The following NCKAP1L variants were observed in gnomAD, a reference collection of about 807,000 sequenced individuals.
The protein encoded by NCKAP1L is nck-associated protein 1-like.
In NCKAP1L, 53 loss-of-function variants were observed where a neutral mutation model predicts 139.2. The ratio of observed to expected loss-of-function variants is 0.38; its 90% CI spans 0.31 to 0.48. NCKAP1L has a LOEUF of 0.48. Among genes scored for constraint, NCKAP1L ranks in the 20% least tolerant of loss-of-function variants. The pLI is 0.98. For synonymous variants in NCKAP1L, 468 were observed against 499.7 expected, an observed-to-expected ratio of 0.94 and a Z score of 0.85; for missense variants, 1,151 against 1,381.9, an observed-to-expected ratio of 0.83 and a Z score of 2.65.
chr12:54,544,462 A>G lies in NCKAP1L; in HGVS notation c.*1777A>G, dbSNP rs1023655542. ...AGATACTTAATCCACCTGCACTTGT[A>G]AGAAATCATACAGAGAAATTCTATT... On this transcript the variant is annotated 3_prime_UTR_variant, in exon 31 of 31. Coordinates refer to ENST00000293373, the MANE Select transcript of NCKAP1L (RefSeq NM_005337.5). 2.0e-5 allele frequency: 3 copies of G among 152,172 alleles called. No homozygotes were observed. Among genetic ancestry groups the G allele is most frequent in the African/African-American group, 7.2e-5 (3 of 41,428 alleles). 9.4% of individuals were successfully genotyped at this position (152,172 alleles called of 1,614,324 possible).
chr12:54,531,896 G>C, intron 25 of NCKAP1L, 71 bp downstream of exon 25: 1 of 1,295,706 alleles, frequency 7.7e-7, no homozygotes, highest in Non-Finnish European at 1.1e-6. Flanking sequence ...ATGATAATTT[G>C]TGGAAGTATT....
In NCKAP1L at chr12:54,526,812, G is replaced by C. The variant is rs995986161; in HGVS notation, c.2375+66G>C. The C allele has an allele frequency of 6.5e-6, 9 of 1,379,218 alleles. No homozygotes were observed. In the Admixed American group the frequency reaches 7.8e-5, roughly 12 times the overall value. The allele number at this position is 1,379,218 out of a possible 1,614,324, so 85.4% of individuals were successfully genotyped here. ...TGGCACTTTTTCCTTTACACGGTAG[G>C]ACCTCAGGGCCCGAGCATTTTAGCT... On this transcript the variant is annotated intron_variant, in intron 21 of 30. Coordinates refer to ENST00000293373, the MANE Select transcript of NCKAP1L (RefSeq NM_005337.5).
At position 54,535,251 on chromosome 12, in the gene NCKAP1L, T is replaced by A. The variant is rs1957105724; in HGVS notation, c.2956+54T>A. 4.3e-6 allele frequency: 6 copies of A among 1,383,030 alleles called. No homozygotes were observed. In the South Asian group the frequency reaches 6.0e-5, roughly 14 times the overall value. The allele number at this position is 1,383,030 out of a possible 1,614,324, so 85.7% of individuals were successfully genotyped here. A position where few individuals can be genotyped will look rare whatever the true frequency, so the allele number is the denominator to read the frequency against. Reference sequence around the variant, plus strand: ...GGGAAAGGAGGGCTTGGGCCTTATTTTGGGTGAAAAAATGTCAATGTCAAA... The same window carrying A: ...GGGAAAGGAGGGCTTGGGCCTTATTATGGGTGAAAAAATGTCAATGTCAAA... On this transcript the variant is annotated intron_variant, in intron 27 of 30. Coordinates refer to ENST00000293373, the MANE Select transcript of NCKAP1L (RefSeq NM_005337.5).
At chr12:54,502,819 T>TACACAC (rs1348507610) in intron 3 of NCKAP1L, among the ~76,000 whole-genome samples, 1 of 36,812 alleles carries the variant, frequency 2.7e-5, no homozygotes, top group Middle Eastern at 0.011. Flanking sequence ...AAACCCCATC[T>TACACAC]ACACAAAAAA....
chr12:54,525,630 G>T (rs1957020078), intron 20 of NCKAP1L, among the ~76,000 whole-genome samples: 1 of 152,038 alleles, frequency 6.6e-6, no homozygotes, highest in Admixed American at 6.5e-5. Context: ...CTCTAAATTA[G>T]ATCAGTCTTG....
intron 9 of NCKAP1L, among the ~76,000 whole-genome samples, chr12:54,512,791 T>C (rs1029685024): frequency 6.8e-6 from 1 of 146,828 alleles, no homozygotes; most frequent in African/African-American, 2.6e-5. Context: ...TGTGTGTGTG[T>C]ATGTGTGAGT....
At chr12:54,519,419 A>G in intron 16 of NCKAP1L, 87 bp downstream of exon 16, 3 of 901,362 alleles carry the variant, frequency 3.3e-6, no homozygotes, top group Non-Finnish European at 3.0e-6. Context: ...ACTTCAAAGA[A>G]TTTTGTTTAA....
chr12:54,535,155 A>G lies in NCKAP1L; in HGVS notation c.2914A>G (p.Ile972Val). The G allele has an allele frequency of 6.2e-7, 1 of 1,613,788 alleles. No homozygotes were observed. Among genetic ancestry groups the G allele is most frequent in the Non-Finnish European group, 8.5e-7 (1 of 1,179,840 alleles). The change falls in exon 27 of 31, where the codon ATT (isoleucine) becomes GTT (valine). Residue 972 changes from isoleucine to valine, a missense_variant. Physicochemically the swap from Ile to Val is conservative, Grantham distance 29. Coordinates refer to ENST00000293373, the MANE Select transcript of NCKAP1L (RefSeq NM_005337.5). ...ATCTGCTGCAGGTGTGGGCTGTGACATTGACCCAGCCTTGGTGGCTGCCAT... is the reference window on the plus strand; with the variant it reads ...ATCTGCTGCAGGTGTGGGCTGTGACGTTGACCCAGCCTTGGTGGCTGCCAT... ...LASAAGVGCD[I>V]DPALVAAIAN...
At position 54,517,953 on chromosome 12, in the gene NCKAP1L, T is replaced by C. The variant is rs370661527; in HGVS notation, c.1338+15T>C. The C allele has an allele frequency of 6.2e-7, 1 of 1,613,308 alleles. No homozygotes were observed. The highest frequency in any genetic ancestry group is 8.5e-7 in the Non-Finnish European group (1 of 1,179,334). On this transcript the variant is annotated intron_variant, in intron 13 of 30. Transcript: ENST00000293373. ...ACATCATTCAGGTATGATATTTAAT[T>C]GATTATACTTTGGAAATTTCAGGAT...
intron 20 of NCKAP1L, among the ~76,000 whole-genome samples, chr12:54,524,535 A>G (rs922622858): frequency 2.6e-5 from 4 of 152,176 alleles, no homozygotes; most frequent in African/African-American, 9.6e-5. Context: ...AAGTGGGTGA[A>G]TGGGAGGAAG....
chr12:54,543,573 G>C lies in NCKAP1L; in HGVS notation c.*888G>C, dbSNP rs1442489103. ...ACCCCAAATCCTTTTGTCAGCCTGGGTATAGCTGTTGCTCCAGGAAGGGAT... is the reference window on the plus strand; with the variant it reads ...ACCCCAAATCCTTTTGTCAGCCTGGCTATAGCTGTTGCTCCAGGAAGGGAT... On this transcript the variant is annotated 3_prime_UTR_variant, in exon 31 of 31. Transcript: ENST00000293373. 1 of 152,174 alleles carries C rather than the reference G, an allele frequency of 6.6e-6. No individual in the cohort carries two copies. Among genetic ancestry groups the C allele is most frequent in the Non-Finnish European group, 1.5e-5 (1 of 68,052 alleles). 9.4% of individuals were successfully genotyped at this position (152,174 alleles called of 1,614,324 possible).
At chr12:54,518,453 G>C (rs914674790) in intron 13 of NCKAP1L, 198 bp from the exon 14 acceptor site, 1 of 645,548 alleles carries the variant, frequency 1.5e-6, no homozygotes, top group Non-Finnish European at 2.8e-6. Flanking sequence ...AGAAATAGGA[G>C]AGAAAAATAA....
intron 30 of NCKAP1L, among the ~76,000 whole-genome samples, chr12:54,540,172 A>G (rs1359246163): frequency 6.6e-6 from 1 of 152,202 alleles, no homozygotes; most frequent in Non-Finnish European, 1.5e-5. Context: ...TTAATTAGTC[A>G]TGTGGTATGT....
intron 9 of NCKAP1L, among the ~76,000 whole-genome samples, chr12:54,513,521 A>G (rs1021339798): frequency 6.6e-6 from 1 of 152,224 alleles, no homozygotes; most frequent in Non-Finnish European, 1.5e-5. Flanking sequence ...TTTAAGGGCC[A>G]GAGAAATCAG....
intron 9 of NCKAP1L, among the ~76,000 whole-genome samples, chr12:54,516,019 C>G (rs774824466): frequency 6.6e-6 from 1 of 151,826 alleles, no homozygotes; most frequent in African/African-American, 2.4e-5. Flanking sequence ...GTATTATTTT[C>G]TGTATCTGTA....
chr12:54,524,632 C>T (rs941469262), intron 20 of NCKAP1L, among the ~76,000 whole-genome samples: 1 of 152,144 alleles, frequency 6.6e-6, no homozygotes, highest in Non-Finnish European at 1.5e-5. Flanking sequence ...TTATTGAACA[C>T]CTGCTGTGTG....
intron 9 of NCKAP1L, among the ~76,000 whole-genome samples, chr12:54,512,792 ATG>A (rs1565675083): frequency 7.6e-6 from 1 of 131,722 alleles, no homozygotes; most frequent in Admixed American, 7.7e-5. Flanking sequence ...GTGTGTGTGT[ATG>A]TGTGAGTAAT....
Position 54,535,173 on chromosome 12 carries a change from G to A in NCKAP1L, c.2932G>A (p.Ala978Thr). The A allele has an allele frequency of 6.2e-7, 1 of 1,613,664 alleles. No individual in the cohort carries two copies. The highest frequency in any genetic ancestry group is 2.2e-5 in the East Asian group (1 of 44,864). ...VGCDIDPALV[A>T]AIANLKADTS... ...CTGTGACATTGACCCAGCCTTGGTG[G>A]CTGCCATTGCTAATCTGAAAGCTGG... Residue 978 changes from alanine (A) to threonine (T), a missense_variant, in exon 27 of 31, where the codon GCT becomes ACT. Ala to Thr is a moderately conservative substitution (Grantham distance 58). Coordinates refer to ENST00000293373, the MANE Select transcript of NCKAP1L (RefSeq NM_005337.5).
chr12:54,537,084 G>T, intron 29 of NCKAP1L, 31 bp downstream of exon 29: 1 of 1,424,982 alleles, frequency 7.0e-7, no homozygotes, highest in Non-Finnish European at 9.9e-7. Context: ...AAGAATGGAA[G>T]ATTGCAAAGG....
Sources: gnomAD v4.1 joint callset for allele counts (sites outside exome capture counted in the v4.1 genomes callset) on GRCh38, gnomAD v4.1.1 for gene constraint, MANE v1.5 for transcripts, NCBI Gene and HGNC (gene_info 2026-07-23, HGNC 2026-07-21) for gene names.